The following GNAS variants were observed in gnomAD, a reference collection of about 807,000 sequenced individuals.
GNAS encodes GNAS complex locus, also known as protein ALEX.
Under a neutral mutation model 54.5 loss-of-function variants are expected in GNAS, and 8 were observed. That is an observed-to-expected ratio of 0.15 (90% CI 0.09 to 0.26). The LOEUF (loss-of-function observed/expected upper bound fraction) is 0.26. Ranked by LOEUF, GNAS falls within the 10% of genes least tolerant of loss-of-function variation. The probability of loss-of-function intolerance (pLI) is 1.00; values close to 1 mark genes in which losing one functional copy is unlikely to be tolerated. For missense variants in GNAS, 170 were observed against 529.8 expected (o/e 0.32, Z 6.67); for synonymous variants, 204 against 191.4 (o/e 1.07, Z -0.54).
chr20:58,873,031 A>C lies in GNAS; in HGVS notation c.44-22581A>C, dbSNP rs1488151731. Among the ~76,000 whole-genome samples the C allele has an allele frequency of 6.6e-6, 1 of 152,214 alleles. No homozygotes were observed. The highest frequency in any genetic ancestry group is 1.5e-5 in the Non-Finnish European group (1 of 68,038). ...AGTTCATTCTCAAGGCGTTAGCCTCATCCCATCAGGAGGAGTTCAGACTCT... is the reference window on the plus strand; with the variant it reads ...AGTTCATTCTCAAGGCGTTAGCCTCCTCCCATCAGGAGGAGTTCAGACTCT... On this transcript the variant is annotated intron_variant, in intron 1 of 12. Coordinates refer to the GNAS transcript ENST00000306090. The surrounding 1 kb of genome is among the most constrained non-coding windows in gnomAD (Gnocchi z 4.3).
intron 2 of GNAS, chr20:58,898,014 A>G (rs2090228850): frequency 6.6e-6 from 1 of 152,188 alleles, no homozygotes; most frequent in Non-Finnish European, 1.5e-5. Context: ...TGCTGATTAC[A>G]TTTTTAAGAG....
chr20:58,865,705 AGCTGGGATTACAG>A (rs2087024692), intron 1 of GNAS, among the ~76,000 whole-genome samples: 1 of 151,422 alleles, frequency 6.6e-6, no homozygotes, highest in African/African-American at 2.4e-5. Context: ...GCCTCCTAGT[AGCTGGGATTACAG>A]GCATGAGCCA....
rs1054371006 is a variant in GNAS at position 58,841,474 on chromosome 20, G to A, written c.43+588G>A. ...GGCGCCTAAGCAGCTCAGAGCCGGA[G>A]CCCAGGTCCCAGAGCTGACAATTAA... On this transcript the variant is annotated intron_variant, in intron 1 of 12. Coordinates refer to the GNAS transcript ENST00000306090. The surrounding 1 kb of genome is among the most constrained non-coding windows in gnomAD (Gnocchi z 5.0). 24 of 991,710 alleles carry A rather than the reference G, an allele frequency of 2.4e-5. No homozygotes were observed. The highest frequency in any genetic ancestry group is 1.6e-4 in the African/African-American group (9 of 57,388). The allele number at this position is 991,710 out of a possible 1,614,324, so 61.4% of individuals were successfully genotyped here.
At chr20:58,861,449 A>G (rs1227674936) in intron 1 of GNAS, among the ~76,000 whole-genome samples, 1 of 152,184 alleles carries the variant, frequency 6.6e-6, no homozygotes, top group Non-Finnish European at 1.5e-5. Context: ...CACAGATTTC[A>G]TTAAATTAGA....
chr20:58,854,002 T>C (rs1244153390), intron 1 of GNAS: 29 of 1,611,838 alleles, frequency 1.8e-5, no homozygotes, highest in Non-Finnish European at 2.3e-5. Context: ...TCCCGAGTTA[T>C]CGCACAAGTC....
rs11554266 is a variant in GNAS at position 58,903,791 on chromosome 20, C to G, written c.432C>G (p.Pro144=). ...VMNVPDFDFP[P]EFYEHAKALW... Reference sequence around the variant, plus strand: ...ACGTGCCTGACTTTGACTTCCCTCCCGTAAGCTACACCCCGACTTGTGTGG... The same window carrying G: ...ACGTGCCTGACTTTGACTTCCCTCCGGTAAGCTACACCCCGACTTGTGTGG... The change falls in exon 5 of 13, where the codon CCC becomes CCG. Residue 144 remains proline (P), a splice_region_variant and synonymous_variant. Transcript: ENST00000371085. The G allele has an allele frequency of 5.0e-6, 8 of 1,613,898 alleles. No individual in the cohort carries two copies. In the South Asian group the frequency reaches 5.5e-5, roughly 11 times the overall value.
chr20:58,883,287 C>T (rs577551071), intron 1 of GNAS, among the ~76,000 whole-genome samples: 1 of 152,212 alleles, frequency 6.6e-6, no homozygotes, highest in East Asian at 1.9e-4. Flanking sequence ...GTAAAGTCAG[C>T]GACATTCTTT....
In GNAS at chr20:58,904,452, C is replaced by A. The variant is rs1233062526; in HGVS notation, c.432+661C>A. ...TCTGGATGCACGACACTGTTGGCTCCCTAAAGAACTACTTTTAGGGAACAA... is the reference window on the plus strand; with the variant it reads ...TCTGGATGCACGACACTGTTGGCTCACTAAAGAACTACTTTTAGGGAACAA... On this transcript the variant is annotated intron_variant, in intron 5 of 12. Coordinates refer to ENST00000371085, the MANE Select transcript of GNAS (RefSeq NM_000516.7). 2.6e-5 allele frequency among the ~76,000 whole-genome samples: 4 copies of A among 152,036 alleles called. No homozygotes were observed. In the South Asian group the frequency reaches 6.2e-4, roughly 24 times the overall value.
In GNAS at chr20:58,840,852, C is replaced by G; in HGVS notation, c.9C>G (p.Asp3Glu). 2 of 1,612,780 alleles carry G rather than the reference C, an allele frequency of 1.2e-6. No individual in the cohort carries two copies. The highest frequency in any genetic ancestry group is 1.7e-6 in the Non-Finnish European group (2 of 1,179,914). ...CCCATCCGGCGTCACTAATGGAGGA[C>G]GCCGTCCAGATTCTCCTTGTTTTCA... is the stretch of plus-strand genomic sequence containing the variant. Residue 3 changes from aspartate (D) to glutamate (E), a missense_variant, in exon 1 of 13, where the codon GAC becomes GAG. Physicochemically the swap from Asp to Glu is conservative, Grantham distance 45. Transcript: ENST00000306090. This position sits in a 1 kb window ranked among gnomAD's most constrained non-coding sequence, Gnocchi z 6.0.
At chr20:58,844,961 A>C (rs2085888788) in intron 1 of GNAS, among the ~76,000 whole-genome samples, 1 of 152,272 alleles carries the variant, frequency 6.6e-6, no homozygotes, top group Non-Finnish European at 1.5e-5. Context: ...TAGAGAATGC[A>C]GAATTCCACT....
In GNAS at chr20:58,841,288, T is replaced by G. The variant is rs1002862251; in HGVS notation, c.43+402T>G. On this transcript the variant is annotated intron_variant, in intron 1 of 12. Coordinates refer to the GNAS transcript ENST00000306090. This position sits in a 1 kb window ranked among gnomAD's most constrained non-coding sequence, Gnocchi z 5.0. ...ACTAGTCTCAAATAAGTTGGCCTTCTCAGGTGTCCAAAATGTGGTTCGGAG... is the reference window on the plus strand; with the variant it reads ...ACTAGTCTCAAATAAGTTGGCCTTCGCAGGTGTCCAAAATGTGGTTCGGAG... 2 of 1,070,300 alleles carry G rather than the reference T, an allele frequency of 1.9e-6. No individual in the cohort carries two copies. The highest frequency in any genetic ancestry group is 1.7e-5 in the African/African-American group (1 of 59,732). 66.3% of individuals were successfully genotyped at this position (1,070,300 alleles called of 1,614,324 possible).
At chr20:58,905,607 C>T in intron 6 of GNAS, 127 bp downstream of exon 6, 2 of 715,862 alleles carry the variant, frequency 2.8e-6, no homozygotes, top group Non-Finnish European at 5.1e-6. Context: ...CCAGTTACCC[C>T]ACTGGCAGAA....
chr20:58,855,993 C>T (rs1176316285), intron 1 of GNAS: 1 of 256,098 alleles, frequency 3.9e-6, no homozygotes. Flanking sequence ...GGGCGCTCTG[C>T]GGCAAGCGGT....
rs763257494 is a variant in GNAS at position 58,853,423 on chromosome 20, C to A, written c.43+12537C>A. The stretch of plus-strand genomic sequence containing the variant: ...CCAGCCGAAGAGATGGAGACCGAAC[C>A]GCCTCACAACGAGCCCATCCCCGTC... On this transcript the variant is annotated intron_variant, in intron 1 of 12. Coordinates refer to the GNAS transcript ENST00000306090. The surrounding 1 kb of genome is among the most constrained non-coding windows in gnomAD (Gnocchi z 4.4). 3.1e-6 allele frequency: 5 copies of A among 1,596,618 alleles called. No homozygotes were observed. Among genetic ancestry groups the A allele is most frequent in the Middle Eastern group, 3.3e-4 (2 of 6,044 alleles).
intron 1 of GNAS, among the ~76,000 whole-genome samples, chr20:58,866,869 C>A (rs1419936271): frequency 6.6e-6 from 1 of 151,868 alleles, no homozygotes; most frequent in Non-Finnish European, 1.5e-5. Flanking sequence ...AGACAATGAC[C>A]ACTCTCCACT....
chr20:58,899,610 CAAATT>C lies in GNAS; in HGVS notation c.257+627_257+631del, dbSNP rs753968549. 4.0e-4 allele frequency: 236 copies of C among 588,268 alleles called. 1 individual carries two copies. Among genetic ancestry groups the C allele is most frequent in the Non-Finnish European group, 7.2e-4 (231 of 319,508 alleles). The allele number at this position is 588,268 out of a possible 1,614,324, so 36.4% of individuals were successfully genotyped here. On this transcript the variant is annotated intron_variant, in intron 3 of 12. Transcript: ENST00000371085. ...CATCTTTTATTTTTCCATTCATTAT[CAAATT>C]ATTTTTTCTTTGCTTCCTGCATCCC...
chr20:58,901,777 A>G (rs2090624815), intron 3 of GNAS, among the ~76,000 whole-genome samples: 1 of 151,900 alleles, frequency 6.6e-6, no homozygotes, highest in African/African-American at 2.4e-5. Flanking sequence ...TTGAGAAAGG[A>G]AAGACCAAAT....
At chr20:58,890,027 C>G (rs1299817820), upstream of GNAS, among the ~76,000 whole-genome samples, 7 of 151,504 alleles carry the variant, frequency 4.6e-5, no homozygotes, top group Non-Finnish European at 8.8e-5. Flanking sequence ...CGCGGAAGAG[C>G]GGGGACCCCG....
rs571404690 is a variant in GNAS at position 58,854,421 on chromosome 20, G to A, written c.43+13535G>A. The stretch of plus-strand genomic sequence containing the variant: ...GTACGGATCCCCTGCCGCCGGGGCA[G>A]CCTCAGCGGATACCGCTGCCAGGGC... On this transcript the variant is annotated intron_variant, in intron 1 of 12. Coordinates refer to the GNAS transcript ENST00000306090. 4 of 1,569,974 alleles carry A rather than the reference G, an allele frequency of 2.5e-6. No homozygotes were observed. In the African/African-American group the frequency reaches 4.1e-5, roughly 16 times the overall value.
Sources: allele counts gnomAD v4.1 joint callset (sites outside exome capture counted in the v4.1 genomes callset), GRCh38; gene constraint gnomAD v4.1.1; non-coding constraint Gnocchi (gnomAD v3.1); transcripts MANE v1.5; gene names NCBI Gene and HGNC (gene_info 2026-07-23, HGNC 2026-07-21).